The following UTRN variants were observed in gnomAD, a reference collection of about 807,000 sequenced individuals.
UTRN encodes dystrophin-related protein 1.
Under a neutral mutation model 463.9 loss-of-function variants are expected in UTRN, and 283 were observed. That is an observed-to-expected ratio of 0.61 (90% CI 0.55 to 0.67). The LOEUF (loss-of-function observed/expected upper bound fraction) is 0.67. Among genes scored for constraint, UTRN ranks in the 30% least tolerant of loss-of-function variants. The pLI, the probability that UTRN is intolerant of heterozygous loss-of-function variation, is 0.00. For missense variants in UTRN, 3,922 were observed against 4,084.3 expected (o/e 0.96, Z 1.08); for synonymous variants, 1,442 against 1,431.5 (o/e 1.01, Z -0.17).
Position 144,459,292 on chromosome 6 carries a change from T to G in UTRN, c.2645T>G (p.Phe882Cys). 1 of 1,614,084 alleles carries G rather than the reference T, an allele frequency of 6.2e-7. No homozygotes were observed. The highest frequency in any genetic ancestry group is 1.6e-4 in the Middle Eastern group (1 of 6,062). ...TTTGTCCAGCGGGGCTTCGATAGCTTTCTGGGCCGCTACCAAGCTGTACAA... is the reference window on the plus strand; with the variant it reads ...TTTGTCCAGCGGGGCTTCGATAGCTGTCTGGGCCGCTACCAAGCTGTACAA... ...PDFVQRGFDS[F>C]LGRYQAVQEA... Residue 882 changes from phenylalanine to cysteine, a missense_variant, in exon 21 of 75, where the codon TTT (phenylalanine) becomes TGT (cysteine). This residue lies in a region of UTRN where 2,349 missense variants were observed against 2,303.8 expected (regional missense o/e 1.02). Coordinates refer to ENST00000367545, the MANE Select transcript of UTRN (RefSeq NM_007124.3).
At chr6:144,691,296 T>C (rs1158562393) in intron 52 of UTRN, among the ~76,000 whole-genome samples, 1 of 152,180 alleles carries the variant, frequency 6.6e-6, no homozygotes, top group Non-Finnish European at 1.5e-5. Context: ...TTTGTATTTT[T>C]AGTAGAGACA....
chr6:144,846,059 T>A (rs542301949), intron 73 of UTRN, among the ~76,000 whole-genome samples: 2 of 151,868 alleles, frequency 1.3e-5, no homozygotes, highest in African/African-American at 4.8e-5. Context: ...CCCCCCAGCA[T>A]TGAGAACGAG....
intron 50 of UTRN, among the ~76,000 whole-genome samples, chr6:144,565,377 A>C (rs1800310322): frequency 6.6e-6 from 1 of 152,210 alleles, no homozygotes; most frequent in East Asian, 1.9e-4. Context: ...TCTGGACCTC[A>C]GATATGAATT....
chr6:144,846,875 G>C (rs1184396953), intron 74 of UTRN, 48 bp downstream of exon 74: 1 of 1,610,062 alleles, frequency 6.2e-7, no homozygotes, highest in South Asian at 1.1e-5. Flanking sequence ...TCCCAACCTA[G>C]AGTAAGCAGA....
At chr6:144,548,988 C>T in intron 47 of UTRN, 134 bp downstream of exon 47, 1 of 842,696 alleles carries the variant, frequency 1.2e-6, no homozygotes, top group Non-Finnish European at 1.8e-6. Context: ...GTCAAACAAC[C>T]ATTCAGGGCT....
chr6:144,384,549 G>C (rs1326331552), intron 2 of UTRN, among the ~76,000 whole-genome samples: 1 of 151,894 alleles, frequency 6.6e-6, no homozygotes, highest in Non-Finnish European at 1.5e-5. Flanking sequence ...AAAAGGTTAG[G>C]GACCGCCACA....
chr6:144,576,819 A>G (rs1801482031), intron 50 of UTRN, among the ~76,000 whole-genome samples: 1 of 152,170 alleles, frequency 6.6e-6, no homozygotes, highest in Non-Finnish European at 1.5e-5. Context: ...TTTAACTTAC[A>G]ATTATGAGCT....
intron 51 of UTRN, among the ~76,000 whole-genome samples, chr6:144,643,910 AC>A (rs1337166007): frequency 6.6e-5 from 10 of 152,192 alleles, no homozygotes; most frequent in African/African-American, 2.4e-4. Flanking sequence ...CTTTACCTGC[AC>A]AATTGAGTTC....
In UTRN at chr6:144,763,910, G is replaced by A. The variant is rs1792983146; in HGVS notation, c.8495+5921G>A. Reference sequence around the variant, plus strand: ...CCTTCCCTCTTTCGTGAAGATGAGGGATGGTATCTTTTTGGTTCCAGTTTT... The same window carrying A: ...CCTTCCCTCTTTCGTGAAGATGAGGAATGGTATCTTTTTGGTTCCAGTTTT... On this transcript the variant is annotated intron_variant, in intron 58 of 74. Coordinates refer to ENST00000367545, the MANE Select transcript of UTRN (RefSeq NM_007124.3). Among the ~76,000 whole-genome samples, 5 of 152,288 alleles carry A rather than the reference G, an allele frequency of 3.3e-5. No homozygotes were observed. In the South Asian group the frequency reaches 1.0e-3, roughly 32 times the overall value.
intron 51 of UTRN, among the ~76,000 whole-genome samples, chr6:144,675,372 G>A (rs2128681294): frequency 6.6e-6 from 1 of 152,328 alleles, no homozygotes; most frequent in Middle Eastern, 3.4e-3. Flanking sequence ...GGGGAGTGAA[G>A]TGGACTCTGT....
At chr6:144,512,715 A>AT (rs1015399671) in intron 35 of UTRN, among the ~76,000 whole-genome samples, 12 of 150,994 alleles carry the variant, frequency 7.9e-5, no homozygotes, top group African/African-American at 2.9e-4. Flanking sequence ...TAATTTTTTT[A>AT]TTTTTTGTAG....
chr6:144,769,479 G>A (rs1718187410), intron 58 of UTRN, among the ~76,000 whole-genome samples: 1 of 152,132 alleles, frequency 6.6e-6, no homozygotes, highest in Non-Finnish European at 1.5e-5. Context: ...AAATGTGTGT[G>A]TTCCGTCAGC....
chr6:144,827,754 A>T (rs1780316782), intron 68 of UTRN, 78 bp downstream of exon 68: 3 of 1,463,836 alleles, frequency 2.0e-6, no homozygotes, highest in Middle Eastern at 3.5e-4. Context: ...AATATCATTA[A>T]TATACCTTGA....
chr6:144,597,093 C>A lies in UTRN; in HGVS notation c.7479+19805C>A, dbSNP rs561613830. On this transcript the variant is annotated intron_variant, in intron 51 of 74. Transcript: ENST00000367545. ...CTCTACTGAAAGTGCAAAAAATTAG[C>A]CGGATGTGGTGGCACATGCCTGTAG... 3.1e-4 allele frequency among the ~76,000 whole-genome samples: 47 copies of A among 152,188 alleles called. 1 individual carries two copies. In the Middle Eastern group the frequency reaches 0.017, roughly 55 times the overall value.
At chr6:144,429,141 G>A (rs965538116) in intron 8 of UTRN, among the ~76,000 whole-genome samples, 1 of 152,142 alleles carries the variant, frequency 6.6e-6, no homozygotes, top group African/African-American at 2.4e-5. Context: ...TTAAGTAAGA[G>A]TTAAAGTTTT....
At chr6:144,413,392 C>T (rs1784087120) in intron 3 of UTRN, among the ~76,000 whole-genome samples, 1 of 152,160 alleles carries the variant, frequency 6.6e-6, no homozygotes, top group Non-Finnish European at 1.5e-5. Context: ...CCCACAGTTC[C>T]ACATGGCTGG....
chr6:144,700,016 G>A (rs1169510240), intron 52 of UTRN, 71 bp from the exon 53 acceptor site: 2 of 1,446,328 alleles, frequency 1.4e-6, no homozygotes, highest in East Asian at 2.4e-5. Context: ...GCTAAAGGAA[G>A]GTAGATAATT....
chr6:144,764,810 A>G (rs1793094695), intron 58 of UTRN, among the ~76,000 whole-genome samples: 1 of 152,202 alleles, frequency 6.6e-6, no homozygotes, highest in South Asian at 2.1e-4. Flanking sequence ...TAAAAGAAAG[A>G]GATAAAGTAG....
At chr6:144,589,706 A>G (rs1295146426) in intron 51 of UTRN, among the ~76,000 whole-genome samples, 3 of 152,192 alleles carry the variant, frequency 2.0e-5, no homozygotes. Context: ...CCTTTAAAAC[A>G]TGAGCTGGAG....
Sources: allele counts gnomAD v4.1 joint callset (sites outside exome capture counted in the v4.1 genomes callset), GRCh38; gene constraint gnomAD v4.1.1; regional missense constraint gnomAD v4.1.1; transcripts MANE v1.5; gene names NCBI Gene and HGNC (gene_info 2026-07-23, HGNC 2026-07-21).